Variants in REV3L observed in about 807,000 individuals in gnomAD.
REV3L encodes the protein DNA polymerase zeta catalytic subunit.
REV3L carries 69 observed loss-of-function variants against 299.4 expected under a neutral mutation model. That is an observed-to-expected ratio of 0.23 (90% confidence interval 0.19 to 0.28). The LOEUF (loss-of-function observed/expected upper bound fraction) is 0.28. Among genes scored for constraint, REV3L ranks in the 10% least tolerant of loss-of-function variants. REV3L has a pLI of 1.00. For missense variants in REV3L, 3,128 were observed against 3,693.8 expected, an observed-to-expected ratio of 0.85 and a Z score of 3.97; for synonymous variants, 1,238 against 1,271.4, an observed-to-expected ratio of 0.97 and a Z score of 0.56.
intron 31 of REV3L, among the ~76,000 whole-genome samples, chr6:111,303,690 A>AGATG (rs1771910308): frequency 1.5e-4 from 4 of 27,098 alleles, no homozygotes; most frequent in Non-Finnish European, 3.6e-4. Context: ...TTTTTTTTTA[A>AGATG]CAGACTATGA....
Position 111,365,429 on chromosome 6 carries a change from T to C in REV3L, c.6674-85A>G, listed in dbSNP as rs2273236. The C allele has an allele frequency of 8.5e-5, 55 of 649,052 alleles. No homozygotes were observed. In the East Asian group the frequency reaches 1.8e-3, roughly 21 times the overall value. The allele number at this position is 649,052 out of a possible 1,614,324, so 40.2% of individuals were successfully genotyped here. ...AAAAACCTTTTGTTGTTCCAAACAC[T>C]TAAGTACCACTTGTGGGTGCTGTCC... On this transcript the variant is annotated intron_variant, in intron 14 of 31. Transcript: ENST00000368802.
intron 4 of REV3L, among the ~76,000 whole-genome samples, chr6:111,396,950 CCTCT>C (rs1001244083): frequency 2.0e-5 from 3 of 152,026 alleles, no homozygotes; most frequent in African/African-American, 7.2e-5. Context: ...CTCTGATGAT[CCTCT>C]CTATTTGTTA....
chr6:111,453,772 TCAGGAGTTC>T, intron 1 of REV3L, among the ~76,000 whole-genome samples: 1 of 152,126 alleles, frequency 6.6e-6, no homozygotes, highest in Non-Finnish European at 1.5e-5. Flanking sequence ...TCACTTGAGG[TCAGGAGTTC>T]GAGACCAGCC....
At chr6:111,472,133 G>T (rs1562366420) in intron 1 of REV3L, 2 of 1,265,358 alleles carry the variant, frequency 1.6e-6, no homozygotes, top group East Asian at 6.4e-5. Context: ...CTTGTCTTGG[G>T]TTTTATTCTG....
intron 9 of REV3L, among the ~76,000 whole-genome samples, chr6:111,384,779 T>C (rs1313278396): frequency 6.6e-6 from 1 of 152,106 alleles, no homozygotes; most frequent in African/African-American, 2.4e-5. Context: ...GTATGTCGAG[T>C]TGAAGAGATA....
At chr6:111,478,883 A>T (rs1004259167) in intron 1 of REV3L, among the ~76,000 whole-genome samples, 14 of 152,276 alleles carry the variant, frequency 9.2e-5, no homozygotes, top group Non-Finnish European at 1.9e-4. Context: ...CTCCCTCTAT[A>T]GTCTGTCTGG....
chr6:111,327,771 A>T (rs886114058), intron 25 of REV3L, among the ~76,000 whole-genome samples: 1 of 152,188 alleles, frequency 6.6e-6, no homozygotes, highest in Non-Finnish European at 1.5e-5. Context: ...CTATAAAAAA[A>T]TTTATCCAGC....
chr6:111,318,773 T>C (rs1004914508), intron 26 of REV3L, among the ~76,000 whole-genome samples: 1 of 152,020 alleles, frequency 6.6e-6, no homozygotes, highest in Non-Finnish European at 1.5e-5. Context: ...TTTCTCCATG[T>C]TGGTCAGGCT....
In REV3L at chr6:111,369,807, C is replaced by T. The variant is rs1779596951; in HGVS notation, c.5760-1779G>A. ...ATGTAATTTTTATTTTTTCTTCTTT[C>T]ATACTTCCTAAATTTTCTATATTGA... On this transcript the variant is annotated intron_variant, in intron 13 of 31. Coordinates refer to ENST00000368802, the MANE Select transcript of REV3L (RefSeq NM_001372078.1). Among the ~76,000 whole-genome samples, 3 of 151,752 alleles carry T rather than the reference C, an allele frequency of 2.0e-5. No individual in the cohort carries two copies. In the South Asian group the frequency reaches 6.2e-4, roughly 32 times the overall value.
chr6:111,390,147 A>G lies in REV3L; in HGVS notation c.696T>C (p.Ser232=), dbSNP rs199941988. 9.3e-6 allele frequency: 15 copies of G among 1,610,086 alleles called. No individual in the cohort carries two copies. The highest frequency in any genetic ancestry group is 1.2e-5 in the Non-Finnish European group (14 of 1,176,664). Residue 232 remains serine, a synonymous_variant, in exon 6 of 32, where the codon AGT becomes AGC. Transcript: ENST00000368802. ...CAGCATCCACTTCTAATTCACATGTACTCTGTGGTTCAACACCTTCCAATA... is the reference window on the plus strand; with the variant it reads ...CAGCATCCACTTCTAATTCACATGTGCTCTGTGGTTCAACACCTTCCAATA... ...SLILEGVEPQ[S]TCELEVDAVA... is the part of the protein sequence containing the mutation.
intron 21 of REV3L, among the ~76,000 whole-genome samples, chr6:111,342,706 G>A: frequency 6.6e-6 from 1 of 151,582 alleles, no homozygotes; most frequent in East Asian, 1.9e-4. Context: ...AAAGACTGAG[G>A]TTAGACAGGA....
At chr6:111,331,843 C>T (rs1053965793) in intron 23 of REV3L, 59 bp from the exon 24 acceptor site, 37 of 1,128,028 alleles carry the variant, frequency 3.3e-5, no homozygotes, top group East Asian at 1.7e-4. Flanking sequence ...AGAGATTTTA[C>T]GCAATTTAAA....
chr6:111,373,475 G>C lies in REV3L; in HGVS notation c.4880C>G (p.Pro1627Arg). The C allele has an allele frequency of 6.2e-7, 1 of 1,612,558 alleles. No individual in the cohort carries two copies. Among genetic ancestry groups the C allele is most frequent in the Non-Finnish European group, 8.5e-7 (1 of 1,179,592 alleles). The change falls in exon 13 of 32, where the codon CCA becomes CGA. Residue 1627 changes from proline to arginine, a missense_variant. Physicochemically the swap from Pro to Arg is moderately radical, Grantham distance 103 (BLOSUM62 -2). This residue lies in a region of REV3L where 2,409 missense variants were observed against 2,611.8 expected (regional missense o/e 0.92). Coordinates refer to ENST00000368802, the MANE Select transcript of REV3L (RefSeq NM_001372078.1). ...AAGTGAGTAACAACTTTCAAAGCCT[G>C]GATCTGAAAAAAAGATGGGACTATC... is the stretch of plus-strand genomic sequence containing the variant. ...SDDSPIFFSD[P>R]GFESCYSLED...
chr6:111,310,219 A>G (rs1368927112), intron 29 of REV3L, 120 bp from the exon 30 acceptor site: 1 of 1,252,730 alleles, frequency 8.0e-7, no homozygotes, highest in Non-Finnish European at 1.1e-6. Context: ...AGACAATTTC[A>G]AAACAGAATT....
chr6:111,436,582 G>T (rs1787580114), intron 1 of REV3L, among the ~76,000 whole-genome samples: 1 of 152,088 alleles, frequency 6.6e-6, no homozygotes, highest in Non-Finnish European at 1.5e-5. Context: ...TAAAAAAGTG[G>T]ATCTCATGAA....
At chr6:111,380,511 G>A (rs576231058) in intron 10 of REV3L, among the ~76,000 whole-genome samples, 6 of 152,140 alleles carry the variant, frequency 3.9e-5, no homozygotes, top group African/African-American at 1.4e-4. Flanking sequence ...TGCCTGCCTC[G>A]GCCTCCCAAA....
chr6:111,434,389 C>T lies in REV3L; in HGVS notation c.140-17917G>A, dbSNP rs142703391. ...CAGCACTTTGGGAGGCCGAAGTGGG[C>T]GCATCACCAGGTCAGGAGATCGAGA... is the stretch of plus-strand genomic sequence containing the variant. On this transcript the variant is annotated intron_variant, in intron 1 of 31. Transcript: ENST00000368802. 1.6e-3 allele frequency among the ~76,000 whole-genome samples: 246 copies of T among 151,394 alleles called. 4 individuals are homozygous for T. The highest frequency in any genetic ancestry group is 5.4e-3 in the African/African-American group (221 of 41,284).
chr6:111,374,976 G>C lies in REV3L; in HGVS notation c.3379C>G (p.Arg1127Gly). The C allele has an allele frequency of 6.2e-7, 1 of 1,612,476 alleles. No individual in the cohort carries two copies. The highest frequency in any genetic ancestry group is 8.5e-7 in the Non-Finnish European group (1 of 1,179,472). ...STSPINSSPP[R>G]CWSPTDPRAE... ...CTTGGATCTGTGGGAGACCAGCAGC[G>C]AGGTGGAGAAGAATTTATGGGACTT... Residue 1127 changes from arginine to glycine, a missense_variant, in exon 13 of 32, where the codon CGC becomes GGC. Coordinates refer to ENST00000368802, the MANE Select transcript of REV3L (RefSeq NM_001372078.1).
intron 1 of REV3L, among the ~76,000 whole-genome samples, chr6:111,468,659 T>C (rs961225573): frequency 6.6e-6 from 1 of 152,222 alleles, no homozygotes; most frequent in Non-Finnish European, 1.5e-5. Flanking sequence ...AAGTCTCCTA[T>C]TGCTGGTGGG....
Sources: allele counts gnomAD v4.1 joint callset (sites outside exome capture counted in the v4.1 genomes callset), GRCh38; gene constraint gnomAD v4.1.1; regional missense constraint gnomAD v4.1.1; transcripts MANE v1.5; gene names NCBI Gene and HGNC (gene_info 2026-07-23, HGNC 2026-07-21).